MACROD2: variants seen among roughly 807,000 people sequenced by gnomAD.
MACROD2 encodes mono-ADP ribosylhydrolase 2.
Under a neutral mutation model 70.4 loss-of-function variants are expected in MACROD2, and 36 were observed. The ratio of observed to expected loss-of-function variants is 0.51; its 90% CI spans 0.39 to 0.68. MACROD2 has a LOEUF of 0.68. Among genes scored for constraint, MACROD2 ranks in the 30% least tolerant of loss-of-function variants. The pLI, the probability that MACROD2 is intolerant of heterozygous loss-of-function variation, is 0.00. For missense variants in MACROD2, 496 were observed against 538.4 expected, an observed-to-expected ratio of 0.92 and a Z score of 0.78; for synonymous variants, 172 against 178.8, an observed-to-expected ratio of 0.96 and a Z score of 0.30.
At chr20:15,697,729 G>A (rs538600868) in intron 8 of MACROD2, among the ~76,000 whole-genome samples, 1 of 152,164 alleles carries the variant, frequency 6.6e-6, no homozygotes, top group Non-Finnish European at 1.5e-5. Flanking sequence ...TATAAATTTG[G>A]GAGCTCCAGT....
chr20:14,587,959 G>T (rs1268786258), intron 4 of MACROD2, among the ~76,000 whole-genome samples: 3 of 152,048 alleles, frequency 2.0e-5, no homozygotes, highest in African/African-American at 7.2e-5. Flanking sequence ...ATTTATGATT[G>T]TAGCTTCTAA....
At chr20:16,026,574 A>G (rs1050231231) in intron 15 of MACROD2, among the ~76,000 whole-genome samples, 8 of 152,132 alleles carry the variant, frequency 5.3e-5, no homozygotes, top group Non-Finnish European at 8.8e-5. Context: ...GTCACTAGTG[A>G]TGGGGTGGAA....
At position 14,080,017 on chromosome 20, in the gene MACROD2, T is replaced by C. The variant is rs115488772; in HGVS notation, c.164-5604T>C. 5.5e-3 allele frequency among the ~76,000 whole-genome samples: 844 copies of C among 152,252 alleles called. 13 individuals are homozygous for C. Among genetic ancestry groups the C allele is most frequent in the African/African-American group, 0.02 (814 of 41,552 alleles). On this transcript the variant is annotated intron_variant, in intron 2 of 17. Coordinates refer to ENST00000684519, the MANE Select transcript of MACROD2 (RefSeq NM_001351661.2). Reference sequence around the variant, plus strand: ...CTTATAGGTGGGTAAGGAAGGTCACTTCCTGGCAGGTCCAGGAAGCTTAGG... The same window carrying C: ...CTTATAGGTGGGTAAGGAAGGTCACCTCCTGGCAGGTCCAGGAAGCTTAGG...
chr20:15,421,204 C>A (rs750970263), intron 6 of MACROD2, among the ~76,000 whole-genome samples: 2 of 152,020 alleles, frequency 1.3e-5, no homozygotes, highest in African/African-American at 4.8e-5. Context: ...ATAGTGAGAC[C>A]TTGTTTCTAC....
intron 6 of MACROD2, among the ~76,000 whole-genome samples, chr20:15,406,879 C>T (rs1211217057): frequency 2.6e-5 from 4 of 152,158 alleles, no homozygotes; most frequent in African/African-American, 9.7e-5. Flanking sequence ...TGAATTAAAC[C>T]AAACAAGAGA....
intron 6 of MACROD2, among the ~76,000 whole-genome samples, chr20:15,381,340 G>A (rs889238509): frequency 1.4e-4 from 22 of 151,850 alleles, no homozygotes; most frequent in Middle Eastern, 3.4e-3. Flanking sequence ...TAAGGCCACC[G>A]AGAGAGCACA....
At chr20:16,007,575 A>C (rs1438976469) in intron 15 of MACROD2, among the ~76,000 whole-genome samples, 1 of 152,210 alleles carries the variant, frequency 6.6e-6, no homozygotes, top group Non-Finnish European at 1.5e-5. Flanking sequence ...CAAATAACTG[A>C]TGCTTAAAAA....
At chr20:15,066,892 A>T (rs2075580589) in intron 5 of MACROD2, among the ~76,000 whole-genome samples, 1 of 152,126 alleles carries the variant, frequency 6.6e-6, no homozygotes, top group Non-Finnish European at 1.5e-5. Context: ...GAAAAAAAAA[A>T]AAAAAGGAAT....
intron 4 of MACROD2, among the ~76,000 whole-genome samples, chr20:14,502,677 G>A (rs1043714249): frequency 6.6e-6 from 1 of 152,104 alleles, no homozygotes; most frequent in Non-Finnish European, 1.5e-5. Flanking sequence ...GAAAGTTGCT[G>A]GATAATTGCA....
At chr20:14,265,079 T>C (rs1045626241) in intron 3 of MACROD2, among the ~76,000 whole-genome samples, 1 of 152,258 alleles carries the variant, frequency 6.6e-6, no homozygotes, top group Non-Finnish European at 1.5e-5. Flanking sequence ...CTCCCTCTGC[T>C]GTTCATTCAA....
chr20:14,297,163 C>T (rs1214407545), intron 3 of MACROD2, among the ~76,000 whole-genome samples: 2 of 151,728 alleles, frequency 1.3e-5, no homozygotes, highest in Non-Finnish European at 2.9e-5. Context: ...TGGCTGTTTC[C>T]CCATCTCTGT....
At chr20:14,434,788 A>G (rs1395934462) in intron 3 of MACROD2, among the ~76,000 whole-genome samples, 1 of 152,144 alleles carries the variant, frequency 6.6e-6, no homozygotes, top group Non-Finnish European at 1.5e-5. Flanking sequence ...AATACTAGTT[A>G]TCTTTAATTT....
At chr20:14,879,220 A>C (rs746949382) in intron 5 of MACROD2, among the ~76,000 whole-genome samples, 3 of 152,154 alleles carry the variant, frequency 2.0e-5, no homozygotes, top group Non-Finnish European at 2.9e-5. Flanking sequence ...GTTTACATTC[A>C]CTAACAACCC....
chr20:15,433,481 A>G (rs994005320), intron 7 of MACROD2, among the ~76,000 whole-genome samples: 5 of 146,256 alleles, frequency 3.4e-5, no homozygotes, highest in Non-Finnish European at 6.1e-5. Context: ...AAAAAAAAAG[A>G]TAAAATATTT....
At chr20:14,043,471 A>C (rs1286728558) in intron 2 of MACROD2, among the ~76,000 whole-genome samples, 2 of 152,208 alleles carry the variant, frequency 1.3e-5, no homozygotes, top group African/African-American at 4.8e-5. Flanking sequence ...GTGTTCAGCT[A>C]TCTGGAAGCT....
At chr20:14,730,235 AT>A (rs1194390278) in intron 5 of MACROD2, among the ~76,000 whole-genome samples, 2 of 152,146 alleles carry the variant, frequency 1.3e-5, no homozygotes, top group Non-Finnish European at 2.9e-5. Context: ...ATGGGTAAGA[AT>A]TTTCCAGAAT....
intron 4 of MACROD2, among the ~76,000 whole-genome samples, chr20:14,569,907 G>C (rs1158482500): frequency 4.6e-5 from 7 of 151,954 alleles, no homozygotes; most frequent in Non-Finnish European, 1.5e-5. Context: ...AAGCATGGGA[G>C]GAACTGAGAT....
intron 8 of MACROD2, among the ~76,000 whole-genome samples, chr20:15,564,008 T>G (rs958731281): frequency 6.6e-6 from 1 of 152,176 alleles, no homozygotes; most frequent in Non-Finnish European, 1.5e-5. Context: ...CCAGCTTGGA[T>G]TAGATCCCCT....
At chr20:14,965,706 G>C (rs528140654) in intron 5 of MACROD2, among the ~76,000 whole-genome samples, 22 of 151,314 alleles carry the variant, frequency 1.5e-4, no homozygotes, top group Non-Finnish European at 2.7e-4. Flanking sequence ...CTGACCTCGT[G>C]ATCCACCCGT....
Sources: allele counts gnomAD v4.1 joint callset (sites outside exome capture counted in the v4.1 genomes callset), GRCh38; gene constraint gnomAD v4.1.1; transcripts MANE v1.5; gene names NCBI Gene and HGNC (gene_info 2026-07-23, HGNC 2026-07-21).